Variants in BZW1 observed in about 807,000 individuals in gnomAD.
BZW1 encodes basic leucine zipper and W2 domains 1.
A neutral mutation model predicts 54.1 loss-of-function variants in BZW1; 3 were observed. The ratio of observed to expected loss-of-function variants is 0.06; its 90% CI spans 0.03 to 0.14. The LOEUF is 0.14. BZW1 is among the 10% of genes least tolerant of loss of function. The probability of loss-of-function intolerance (pLI) is 1.00; values close to 1 mark genes in which losing one functional copy is unlikely to be tolerated. For synonymous variants in BZW1, 152 were observed against 162.7 expected, an observed-to-expected ratio of 0.93 and a Z score of 0.50; for missense variants, 206 against 491.7, an observed-to-expected ratio of 0.42 and a Z score of 5.50.
Position 200,818,374 on chromosome 2 carries a change from G to A in BZW1, c.800G>A (p.Arg267His), listed in dbSNP as rs780739826. 7 of 1,599,312 alleles carry A rather than the reference G, an allele frequency of 4.4e-6. No homozygotes were observed. The highest frequency in any genetic ancestry group is 2.2e-5 in the East Asian group (1 of 44,832). The change falls in exon 8 of 12, where the codon CGT becomes CAT. Residue 267 changes from arginine to histidine, a missense_variant. By Grantham distance (29) the Arg-to-His change is conservative. This residue lies in a region of BZW1 where 31 missense variants were observed against 29.1 expected (regional missense o/e 1.07). Coordinates refer to ENST00000409600, the MANE Select transcript of BZW1 (RefSeq NM_001207067.2). ...LQKELQEQMS[R>H]GDPFKDIILY... ...AAAGAACTTCAAGAACAGATGTCCC[G>A]TGGTGATCCATTTAAGGATGTAAGT...
intron 5 of BZW1, 96 bp from the exon 6 acceptor site, chr2:200,817,010 C>T: frequency 1.4e-6 from 2 of 1,401,716 alleles, no homozygotes; most frequent in Admixed American, 2.2e-5. Flanking sequence ...TCCCAGAGCC[C>T]ACGTATTGAA....
At position 200,825,698 on chromosome 2, in the gene BZW1, A is replaced by C. The variant is rs1320534278; in HGVS notation, c.*3520A>C. ...GGGTTCTTTCTATAAAAATCAGTGA[A>C]AATCCTCTAGATGAATGAATTAAAG... On this transcript the variant is annotated 3_prime_UTR_variant, in exon 12 of 12. Coordinates refer to ENST00000409600, the MANE Select transcript of BZW1 (RefSeq NM_001207067.2). 1 of 152,234 alleles carries C rather than the reference A, an allele frequency of 6.6e-6. No homozygotes were observed. Among genetic ancestry groups the C allele is most frequent in the Non-Finnish European group, 1.5e-5 (1 of 68,028 alleles). 9.4% of individuals were successfully genotyped at this position (152,234 alleles called of 1,614,324 possible).
chr2:200,821,906 C>T (rs2038533112), intron 11 of BZW1, among the ~76,000 whole-genome samples: 1 of 152,068 alleles, frequency 6.6e-6, no homozygotes, highest in African/African-American at 2.4e-5. Context: ...CCAGTCTCTA[C>T]TAAAAATAAA....
chr2:200,812,309 T>G, intron 1 of BZW1: 2 of 1,254,392 alleles, frequency 1.6e-6, no homozygotes, highest in Non-Finnish European at 2.0e-6. Flanking sequence ...TGTTGTGTGA[T>G]GTACGCGTGG....
At chr2:200,815,600 T>A (rs1465373753) in intron 3 of BZW1, 67 bp from the exon 4 acceptor site, 2 of 1,591,906 alleles carry the variant, frequency 1.3e-6, no homozygotes, top group East Asian at 2.3e-5. Flanking sequence ...TATGAACTAT[T>A]TGGCAAACTT....
Position 200,826,336 on chromosome 2 carries a change from A to G in BZW1, c.*4158A>G, listed in dbSNP as rs2038687766. The G allele has an allele frequency of 7.0e-6, 1 of 142,360 alleles. No individual in the cohort carries two copies. Among genetic ancestry groups the G allele is most frequent in the African/African-American group, 2.6e-5 (1 of 38,576 alleles). The allele number at this position is 142,360 out of a possible 1,614,324, so 8.8% of individuals were successfully genotyped here. A position where few individuals can be genotyped will look rare whatever the true frequency, so the allele number is the denominator to read the frequency against. On this transcript the variant is annotated 3_prime_UTR_variant, in exon 12 of 12. Coordinates refer to ENST00000409600, the MANE Select transcript of BZW1 (RefSeq NM_001207067.2). ...ATCCTTTCATCTTTATGCTAGGAGT[A>G]TAGTCTCAGTTCTTAATGAGTTGAT...
rs1026946475 is a variant in BZW1 at position 200,823,758 on chromosome 2, G to C, written c.*1580G>C. 1 of 151,774 alleles carries C rather than the reference G, an allele frequency of 6.6e-6. No individual in the cohort carries two copies. Among genetic ancestry groups the C allele is most frequent in the Non-Finnish European group, 1.5e-5 (1 of 67,856 alleles). The allele number at this position is 151,774 out of a possible 1,614,324, so 9.4% of individuals were successfully genotyped here. A position where few individuals can be genotyped will look rare whatever the true frequency, so the allele number is the denominator to read the frequency against. The stretch of plus-strand genomic sequence containing the variant: ...CAAAATGTATTCACTAGATTTCTAC[G>C]TAGTGATCTGCTTTTACTTTGTAAT... On this transcript the variant is annotated 3_prime_UTR_variant, in exon 12 of 12. Transcript: ENST00000409600.
intron 5 of BZW1, 57 bp downstream of exon 5, chr2:200,816,447 G>A: frequency 1.6e-6 from 2 of 1,262,084 alleles, no homozygotes; most frequent in South Asian, 1.5e-5. Context: ...AAAGAGGAAT[G>A]TTAAATCCTA....
intron 7 of BZW1, 67 bp downstream of exon 7, chr2:200,818,150 T>G: frequency 6.6e-7 from 1 of 1,513,172 alleles, no homozygotes; most frequent in Non-Finnish European, 8.9e-7. Flanking sequence ...TTCTCATTTT[T>G]AAGACTGTGA....
At chr2:200,822,074 A>C in intron 11 of BZW1, 73 bp from the exon 12 acceptor site, 1 of 1,395,282 alleles carries the variant, frequency 7.2e-7, no homozygotes, top group Non-Finnish European at 1.0e-6. Context: ...GTCTTAAAGA[A>C]GCTTCAAAGT....
rs746932127 is a variant in BZW1, at chr2:200,815,535, G to A, written c.241+18G>A. 4.3e-6 allele frequency: 7 copies of A among 1,613,376 alleles called. No individual in the cohort carries two copies. The East Asian group carries it at 8.9e-5, about 21-fold the overall frequency. ...AATGCTGGGTAAGTGTCTGTGGTTT[G>A]TGGGCTTAATAATTTAGAAAGGTAT... On this transcript the variant is annotated intron_variant, in intron 3 of 11. Coordinates refer to ENST00000409600, the MANE Select transcript of BZW1 (RefSeq NM_001207067.2).
At position 200,822,266 on chromosome 2, in the gene BZW1, C is replaced by G; in HGVS notation, c.*88C>G. ...TGTCCTGGTTCTTACATCTTCCTACCTCCCTGTATCAAGCATGATATAAGG... is the reference window on the plus strand; with the variant it reads ...TGTCCTGGTTCTTACATCTTCCTACGTCCCTGTATCAAGCATGATATAAGG... On this transcript the variant is annotated 3_prime_UTR_variant, in exon 12 of 12. Transcript: ENST00000409600. 3.5e-6 allele frequency: 4 copies of G among 1,151,422 alleles called. No homozygotes were observed. Among genetic ancestry groups the G allele is most frequent in the Non-Finnish European group, 5.0e-6 (4 of 792,104 alleles). The allele number at this position is 1,151,422 out of a possible 1,614,324, so 71.3% of individuals were successfully genotyped here. A position where few individuals can be genotyped will look rare whatever the true frequency, so the allele number is the denominator to read the frequency against.
chr2:200,818,792 A>T lies in BZW1; in HGVS notation c.857A>T (p.Asn286Ile). Residue 286 changes from asparagine to isoleucine, a missense_variant, in exon 9 of 12, where the codon AAC becomes ATC. Asn to Ile is a moderately radical substitution (Grantham distance 149, BLOSUM62 -3). This residue lies in a region of BZW1 where 31 missense variants were observed against 29.1 expected (regional missense o/e 1.07). Coordinates refer to ENST00000409600, the MANE Select transcript of BZW1 (RefSeq NM_001207067.2). The stretch of plus-strand genomic sequence containing the variant: ...GTCAAGGAGGAGATGAAAAAAAACA[A>T]CATCCCAGAGCCAGTTGTCATCGGA... The part of the protein sequence containing the change: ...LYVKEEMKKN[N>I]IPEPVVIGIV... 6.3e-7 allele frequency: 1 copy of T among 1,588,062 alleles called. No individual in the cohort carries two copies. Among genetic ancestry groups the T allele is most frequent in the South Asian group, 1.2e-5 (1 of 85,792 alleles).
intron 5 of BZW1, 94 bp from the exon 6 acceptor site, chr2:200,817,012 C>T (rs1196148595): frequency 1.3e-5 from 18 of 1,409,656 alleles, no homozygotes; most frequent in African/African-American, 1.4e-5. Context: ...CCAGAGCCCA[C>T]GTATTGAACA....
chr2:200,818,523 CTCAT>C (rs1049227382), intron 8 of BZW1, 130 bp downstream of exon 8: 1 of 1,204,110 alleles, frequency 8.3e-7, no homozygotes, highest in Non-Finnish European at 1.2e-6. Context: ...GGAACTTTGC[CTCAT>C]TCTTTTGCAT....
At position 200,824,236 on chromosome 2, in the gene BZW1, G is replaced by GATTCC. The variant is rs2038630642; in HGVS notation, c.*2066_*2070dup. The GATTCC allele has an allele frequency of 6.6e-6, 1 of 152,162 alleles. No individual in the cohort carries two copies. The highest frequency in any genetic ancestry group is 2.4e-5 in the African/African-American group (1 of 41,438). The allele number at this position is 152,162 out of a possible 1,614,324, so 9.4% of individuals were successfully genotyped here. A position where few individuals can be genotyped will look rare whatever the true frequency, so the allele number is the denominator to read the frequency against. On this transcript the variant is annotated 3_prime_UTR_variant, in exon 12 of 12. Coordinates refer to ENST00000409600, the MANE Select transcript of BZW1 (RefSeq NM_001207067.2). The stretch of plus-strand genomic sequence containing the variant: ...GGGAATGCTTTATAAAAAGATTGCA[G>GATTCC]ATTCCATTCCATATAAAAAGATTCC...
chr2:200,813,692 T>C (rs2105863170), intron 2 of BZW1, among the ~76,000 whole-genome samples: 1 of 152,338 alleles, frequency 6.6e-6, no homozygotes, highest in East Asian at 1.9e-4. Flanking sequence ...ACTTCACCCA[T>C]GGAAGTTAAT....
At chr2:200,815,251 T>G in intron 2 of BZW1, 90 bp from the exon 3 acceptor site, 1 of 1,298,282 alleles carries the variant, frequency 7.7e-7, no homozygotes, top group Non-Finnish European at 1.0e-6. Flanking sequence ...ATCTAACTTA[T>G]TTAACAATTG....
At chr2:200,813,021 C>T in intron 1 of BZW1, 187 bp from the exon 2 acceptor site, 1 of 694,596 alleles carries the variant, frequency 1.4e-6, no homozygotes, top group Non-Finnish European at 2.7e-6. Flanking sequence ...GAGAAATGCA[C>T]ATTTTGACGT....
Sources: allele counts gnomAD v4.1 joint callset (sites outside exome capture counted in the v4.1 genomes callset), GRCh38; gene constraint gnomAD v4.1.1; regional missense constraint gnomAD v4.1.1; transcripts MANE v1.5; gene names NCBI Gene and HGNC (gene_info 2026-07-23, HGNC 2026-07-21).